Variants in NBPF9 observed in about 807,000 individuals in gnomAD.
NBPF9 encodes NBPF family member NBPF9.
NBPF9 carries 91 observed loss-of-function variants against 97.8 expected under a neutral mutation model. The observed-to-expected ratio is 0.93, with a 90% confidence interval of 0.79 to 1.11. The LOEUF is 1.11. Among genes scored for constraint, NBPF9 ranks in the 50% least tolerant of loss-of-function variants. The probability of loss-of-function intolerance (pLI) is 0.00; values close to 1 mark genes in which losing one functional copy is unlikely to be tolerated. For missense variants in NBPF9, 992 were observed against 939.5 expected (o/e 1.06, Z -0.73); for synonymous variants, 334 against 359.5 (o/e 0.93, Z 0.80).
chr1:149,070,496 G>C (rs1191382919), intron 16 of NBPF9, among the ~76,000 whole-genome samples: 1 of 151,530 alleles, frequency 6.6e-6, no homozygotes, highest in African/African-American at 2.4e-5. Context: ...TAAGCAAGCT[G>C]ACTTAAAGGA....
chr1:149,077,882 C>A lies in NBPF9; in HGVS notation c.566+1G>T. On this transcript the variant is annotated splice_donor_variant, in intron 10 of 29. Transcript: ENST00000584027. LOFTEE classifies it high-confidence loss of function. ...ACTTGCTCCTGAGTATTCAGTGTTACCTGGGGGCAGATGATTCCAGTACTT... is the reference window on the plus strand; with the variant it reads ...ACTTGCTCCTGAGTATTCAGTGTTAACTGGGGGCAGATGATTCCAGTACTT... 2 of 1,572,434 alleles carry A rather than the reference C, an allele frequency of 1.3e-6. No homozygotes were observed. Among genetic ancestry groups the A allele is most frequent in the African/African-American group, 1.3e-5 (1 of 74,124 alleles).
At chr1:149,082,957 C>CTTTTTCTT (rs2080627961) in intron 5 of NBPF9, among the ~76,000 whole-genome samples, 2 of 66,470 alleles carry the variant, frequency 3.0e-5, no homozygotes, top group African/African-American at 1.2e-4. Flanking sequence ...TTTTTCTTTT[C>CTTTTTCTT]TTTTTTTTTT....
chr1:149,058,250 G>A (rs1575821788), intron 26 of NBPF9, 35 bp from the exon 27 acceptor site: 8 of 322,518 alleles, frequency 2.5e-5, no homozygotes, highest in South Asian at 7.2e-5. Context: ...GACAAAATAA[G>A]CCAATTCACC....
In NBPF9 at chr1:149,069,592, A is replaced by T. The variant is rs1379193747; in HGVS notation, c.1637+2T>A. 5 of 742,436 alleles carry T rather than the reference A, an allele frequency of 6.7e-6. No individual in the cohort carries two copies. The highest frequency in any genetic ancestry group is 1.2e-5 in the Non-Finnish European group (5 of 411,748). The allele number at this position is 742,436 out of a possible 1,614,324, so 46.0% of individuals were successfully genotyped here. A position where few individuals can be genotyped will look rare whatever the true frequency, so the allele number is the denominator to read the frequency against. The stretch of plus-strand genomic sequence containing the variant: ...TAACAGCCAACAATTCCACAACATT[A>T]CCTGGGAGACACTGGCCCTTTTTCT... On this transcript the variant is annotated splice_donor_variant, in intron 17 of 29. Transcript: ENST00000584027. LOFTEE classifies it high-confidence loss of function.
intron 23 of NBPF9, 64 bp downstream of exon 23, chr1:149,061,268 T>C (rs1402746464): frequency 2.8e-6 from 1 of 361,492 alleles, no homozygotes; most frequent in African/African-American, 3.1e-5. Flanking sequence ...CCCGCTCTGT[T>C]TTCCCTGAAC....
In NBPF9 at chr1:149,059,264, T is replaced by G. The variant is rs2078443513; in HGVS notation, c.2586-167A>C. 6 of 466,258 alleles carry G rather than the reference T, an allele frequency of 1.3e-5. 1 individual carries two copies. In the Admixed American group the frequency reaches 2.0e-4, roughly 16 times the overall value. 28.9% of individuals were successfully genotyped at this position (466,258 alleles called of 1,614,324 possible). A position where few individuals can be genotyped will look rare whatever the true frequency, so the allele number is the denominator to read the frequency against. On this transcript the variant is annotated intron_variant, in intron 25 of 29. Coordinates refer to ENST00000584027, the Ensembl canonical transcript of NBPF9. ...TAGGTTGGGATAGACCAGGGCCAGG[T>G]AGAAAAGAATGAAAGAGAAAGACAG...
chr1:149,086,191 C>G (rs1480525881), intron 5 of NBPF9, among the ~76,000 whole-genome samples: 1 of 148,960 alleles, frequency 6.7e-6, no homozygotes, highest in Non-Finnish European at 1.5e-5. Flanking sequence ...CATGAGCATC[C>G]ATACGTGGCA....
chr1:149,079,284 G>T lies in NBPF9; in HGVS notation c.279-63C>A, dbSNP rs1408423586. ...GGGTTGAGTGATCCGTTCAAATATT[G>T]CAACAGAGACTTCTGAGATAATGTC... is the stretch of plus-strand genomic sequence containing the variant. On this transcript the variant is annotated intron_variant, in intron 8 of 29. Transcript: ENST00000584027. 5.5e-6 allele frequency: 7 copies of T among 1,273,984 alleles called. No individual in the cohort carries two copies. The East Asian group carries it at 1.8e-4, about 33-fold the overall frequency. The allele number at this position is 1,273,984 out of a possible 1,614,324, so 78.9% of individuals were successfully genotyped here. A position where few individuals can be genotyped will look rare whatever the true frequency, so the allele number is the denominator to read the frequency against.
At chr1:149,100,976 T>C (rs2082109104) in intron 3 of NBPF9, among the ~76,000 whole-genome samples, 1 of 150,878 alleles carries the variant, frequency 6.6e-6, no homozygotes, top group African/African-American at 2.4e-5. Context: ...AAAATTGCTA[T>C]AAGGTTAACA....
chr1:149,095,681 T>A (rs1364986226), intron 4 of NBPF9, among the ~76,000 whole-genome samples: 2 of 148,556 alleles, frequency 1.3e-5, no homozygotes, highest in African/African-American at 5.0e-5. Context: ...GATATACAGA[T>A]GGCAAATAAG....
chr1:149,099,120 C>T (rs1235549217), intron 3 of NBPF9, among the ~76,000 whole-genome samples: 5 of 152,020 alleles, frequency 3.3e-5, no homozygotes, highest in Non-Finnish European at 7.4e-5. Flanking sequence ...CCAAGTAATA[C>T]TTGAGGCAGA....
At chr1:149,055,344 C>G in exon 30 of NBPF9, 1 of 561,006 alleles carries the variant, frequency 1.8e-6, no homozygotes, top group Non-Finnish European at 3.1e-6. Context: ...AGCTCAGAGA[C>G]ATGTCTGCAA....
At chr1:149,080,455 G>T (rs1553656366) in intron 7 of NBPF9, among the ~76,000 whole-genome samples, 1 of 150,786 alleles carries the variant, frequency 6.6e-6, no homozygotes, top group Non-Finnish European at 1.5e-5. Flanking sequence ...TGAATGCGGG[G>T]CCACTTTCCC....
chr1:149,101,498 A>G (rs2082141760), intron 2 of NBPF9, 119 bp from the exon 3 acceptor site: 1 of 152,272 alleles, frequency 6.6e-6, no homozygotes, highest in Non-Finnish European at 1.5e-5. Flanking sequence ...TATATATCGT[A>G]GAAAGGACAC....
chr1:149,082,240 G>T, intron 6 of NBPF9, 32 bp downstream of exon 6: 1 of 1,300,312 alleles, frequency 7.7e-7, no homozygotes, highest in Non-Finnish European at 1.1e-6. Flanking sequence ...GTTTAATCAG[G>T]ACTGAGGGAT....
intron 4 of NBPF9, among the ~76,000 whole-genome samples, chr1:149,097,735 T>C (rs1273528183): frequency 6.6e-6 from 1 of 151,904 alleles, no homozygotes; most frequent in Non-Finnish European, 1.5e-5. Context: ...CGTTATGGGG[T>C]CTCTAGCCCA....
chr1:149,080,689 A>G (rs1390553380), intron 7 of NBPF9, among the ~76,000 whole-genome samples: 1 of 146,764 alleles, frequency 6.8e-6, no homozygotes, highest in East Asian at 2.0e-4. Context: ...ACATAAGACA[A>G]TAAGGCCATG....
exon 7 of NBPF9, chr1:149,082,103 C>T (rs1338121570): frequency 2.0e-5 from 33 of 1,611,110 alleles, no homozygotes; most frequent in South Asian, 1.1e-4. Flanking sequence ...TTCATCTCTG[C>T]CTTCTCGCTG....
At chr1:149,081,549 C>T (rs1658137721) in intron 7 of NBPF9, among the ~76,000 whole-genome samples, 1 of 152,040 alleles carries the variant, frequency 6.6e-6, no homozygotes, top group East Asian at 1.9e-4. Flanking sequence ...TAGAACAGAG[C>T]TTTGCCTCTT....
Sources: gnomAD v4.1 joint callset for allele counts (sites outside exome capture counted in the v4.1 genomes callset) on GRCh38, gnomAD v4.1.1 for gene constraint, MANE v1.5 for transcripts, NCBI Gene and HGNC (gene_info 2026-07-23, HGNC 2026-07-21) for gene names.